Variants in FAM168A observed in about 807,000 individuals in gnomAD.
FAM168A encodes the protein protein FAM168A.
A neutral mutation model predicts 28.5 loss-of-function variants in FAM168A; 3 were observed. The observed-to-expected ratio is 0.11, with a 90% CI of 0.05 to 0.27. FAM168A has a LOEUF of 0.27. Ranked by LOEUF, FAM168A falls within the 10% of genes least tolerant of loss-of-function variation. FAM168A has a pLI of 1.00. For synonymous variants in FAM168A, 122 were observed against 124.2 expected (o/e 0.98, Z 0.12); for missense variants, 222 against 311.5 (o/e 0.71, Z 2.16).
intron 2 of FAM168A, among the ~76,000 whole-genome samples, chr11:73,457,194 C>T (rs1484157918): frequency 2.0e-5 from 3 of 151,600 alleles, no homozygotes; most frequent in Non-Finnish European, 4.4e-5. Flanking sequence ...TTGAGATCAG[C>T]CTAGGTAACA....
At chr11:73,534,670 T>C (rs1242106438) in intron 1 of FAM168A, among the ~76,000 whole-genome samples, 1 of 126 alleles carries the variant, frequency 7.9e-3, no homozygotes, top group African/African-American at 0.042. Flanking sequence ...CCCAAAGTGC[T>C]GGGATTACAG....
rs564465613 is a variant in FAM168A at position 73,462,796 on chromosome 11, G to A, written c.70+5609C>T. Among the ~76,000 whole-genome samples the A allele has an allele frequency of 4.6e-5, 7 of 151,796 alleles. No individual in the cohort carries two copies. The South Asian group carries it at 1.3e-3, about 27-fold the overall frequency. ...GGAGAATTGCTTGAACCTGGGAGGC[G>A]GAGGTTGCAGTGAGCCAAGATCGCA... On this transcript the variant is annotated intron_variant, in intron 2 of 7. Coordinates refer to ENST00000356467, the MANE Select transcript of FAM168A (RefSeq NM_015159.3).
At position 73,569,137 on chromosome 11, in the gene FAM168A, ACT is replaced by A. The variant is rs1212849415; in HGVS notation, c.-19+28784_-19+28785del. 8.5e-5 allele frequency among the ~76,000 whole-genome samples: 13 copies of A among 152,360 alleles called. No individual in the cohort carries two copies. In the East Asian group the frequency reaches 2.5e-3, roughly 29 times the overall value. On this transcript the variant is annotated intron_variant, in intron 1 of 7. Coordinates refer to ENST00000356467, the MANE Select transcript of FAM168A (RefSeq NM_015159.3). ...CTATATTTAATGCCACTATATTAGC[ACT>A]GTTGTAATTCTCAAACATAATCAAT...
chr11:73,587,152 TAAAAAAAAAA>T (rs1158411875), intron 1 of FAM168A, among the ~76,000 whole-genome samples: 4 of 81,374 alleles, frequency 4.9e-5, no homozygotes, highest in Non-Finnish European at 7.2e-5. Flanking sequence ...ATGGACATGT[TAAAAAAAAAA>T]AAAAAAAAAA....
intron 1 of FAM168A, among the ~76,000 whole-genome samples, chr11:73,475,135 C>T (rs191692738): frequency 2.7e-3 from 405 of 152,142 alleles, no homozygotes; most frequent in African/African-American, 9.4e-3. Flanking sequence ...AATATATGAC[C>T]ATTAAATGAC....
intron 2 of FAM168A, among the ~76,000 whole-genome samples, chr11:73,459,844 A>G (rs1283810387): frequency 6.7e-6 from 1 of 150,208 alleles, no homozygotes; most frequent in African/African-American, 2.5e-5. Flanking sequence ...GTCTATCCAG[A>G]GGGGTTGACC....
intron 1 of FAM168A, among the ~76,000 whole-genome samples, chr11:73,523,556 T>G (rs898917635): frequency 9.9e-5 from 15 of 152,170 alleles, no homozygotes; most frequent in Non-Finnish European, 1.6e-4. Context: ...CTATCTTACC[T>G]TTGACCTCTG....
At chr11:73,584,222 G>C (rs2134739116) in intron 1 of FAM168A, among the ~76,000 whole-genome samples, 1 of 152,020 alleles carries the variant, frequency 6.6e-6, no homozygotes, top group East Asian at 1.9e-4. Flanking sequence ...ACCCAGGTTG[G>C]AGTGCAATGG....
intron 1 of FAM168A, among the ~76,000 whole-genome samples, chr11:73,559,576 A>C (rs988535042): frequency 6.6e-6 from 1 of 152,228 alleles, no homozygotes; most frequent in Non-Finnish European, 1.5e-5. Flanking sequence ...TAAAATATTT[A>C]CAATTGGTAA....
intron 2 of FAM168A, among the ~76,000 whole-genome samples, chr11:73,456,841 C>T (rs1867541677): frequency 6.6e-6 from 1 of 152,248 alleles, no homozygotes; most frequent in Admixed American, 6.5e-5. Context: ...TGCCCAGTGG[C>T]TACCATCCTC....
chr11:73,464,044 C>G (rs1291063027), intron 2 of FAM168A, among the ~76,000 whole-genome samples: 1 of 152,122 alleles, frequency 6.6e-6, no homozygotes, highest in East Asian at 1.9e-4. Flanking sequence ...AATCACTGTA[C>G]CGTCCAAGAC....
intron 1 of FAM168A, among the ~76,000 whole-genome samples, 193 bp from the exon 2 acceptor site, chr11:73,468,685 T>C (rs1867772588): frequency 6.6e-6 from 1 of 152,188 alleles, no homozygotes; most frequent in African/African-American, 2.4e-5. Context: ...CAGATGAAGA[T>C]AGTAAGGAGC....
chr11:73,437,928 C>T (rs1053915408), intron 2 of FAM168A, among the ~76,000 whole-genome samples: 2 of 152,164 alleles, frequency 1.3e-5, no homozygotes, highest in African/African-American at 4.8e-5. Context: ...CACCTGTGAT[C>T]AGACTTCAAT....
At chr11:73,560,088 G>C (rs767353328) in intron 1 of FAM168A, among the ~76,000 whole-genome samples, 18 of 152,114 alleles carry the variant, frequency 1.2e-4, no homozygotes, top group Non-Finnish European at 2.5e-4. Flanking sequence ...TTCTGAGACA[G>C]AGTCTCACTC....
At chr11:73,415,665 C>T (rs1323127790) in intron 4 of FAM168A, among the ~76,000 whole-genome samples, 2 of 152,148 alleles carry the variant, frequency 1.3e-5, no homozygotes, top group Admixed American at 6.5e-5. Flanking sequence ...CTGAAAATTC[C>T]CCTGGAGCTA....
chr11:73,588,585 G>A (rs965020640), intron 1 of FAM168A, among the ~76,000 whole-genome samples: 1 of 152,020 alleles, frequency 6.6e-6, no homozygotes, highest in East Asian at 1.9e-4. Context: ...TCAGCTACAC[G>A]GGAGGCTGAG....
chr11:73,541,280 A>C (rs1347658278), intron 1 of FAM168A, among the ~76,000 whole-genome samples: 2 of 149,368 alleles, frequency 1.3e-5, no homozygotes, highest in Non-Finnish European at 2.9e-5. Context: ...TTGCTATATA[A>C]TAGAAAGACC....
At chr11:73,487,042 A>G (rs11235775) in intron 1 of FAM168A, among the ~76,000 whole-genome samples, 7,297 of 152,268 alleles carry the variant, frequency 0.048, 553 homozygotes, top group African/African-American at 0.16. Flanking sequence ...AATACGAATG[A>G]TCTTACTAAA....
chr11:73,568,435 A>T (rs929052952), intron 1 of FAM168A, among the ~76,000 whole-genome samples: 4 of 152,234 alleles, frequency 2.6e-5, no homozygotes, highest in African/African-American at 9.6e-5. Context: ...AAGCTTAGGA[A>T]TTCTTAAATA....
Sources: allele counts gnomAD v4.1 joint callset (sites outside exome capture counted in the v4.1 genomes callset), GRCh38; gene constraint gnomAD v4.1.1; transcripts MANE v1.5; gene names NCBI Gene and HGNC (gene_info 2026-07-23, HGNC 2026-07-21).